The following RASSF9 variants were observed in gnomAD, a reference collection of about 807,000 sequenced individuals.
The protein encoded by RASSF9 is Ras association domain family member 9.
RASSF9 carries 18 observed loss-of-function variants against 21.4 expected under a neutral mutation model. That is an observed-to-expected ratio of 0.84 (90% CI 0.58 to 1.25). The LOEUF is 1.25. RASSF9 is among the 50% of genes most tolerant of loss of function. RASSF9 has a pLI of 0.00. For synonymous variants in RASSF9, 183 were observed against 179.1 expected, an observed-to-expected ratio of 1.02 and a Z score of -0.18; for missense variants, 480 against 503.2, an observed-to-expected ratio of 0.95 and a Z score of 0.44.
chr12:85,815,638 C>A (rs890136258), intron 1 of RASSF9, among the ~76,000 whole-genome samples: 2 of 152,118 alleles, frequency 1.3e-5, no homozygotes, highest in African/African-American at 2.4e-5. Flanking sequence ...GCCATTCTGA[C>A]TGGAGTGAGA....
intron 1 of RASSF9, among the ~76,000 whole-genome samples, chr12:85,815,037 GACAA>G (rs1801104836): frequency 6.6e-6 from 1 of 151,900 alleles, no homozygotes; most frequent in Admixed American, 6.6e-5. Context: ...GGACAGAAGG[GACAA>G]ACAAAGATCA....
At chr12:85,816,517 T>A (rs1880069200) in intron 1 of RASSF9, among the ~76,000 whole-genome samples, 1 of 152,160 alleles carries the variant, frequency 6.6e-6, no homozygotes, top group Non-Finnish European at 1.5e-5. Context: ...AAATTTCAGT[T>A]AAATATCAGT....
intron 1 of RASSF9, among the ~76,000 whole-genome samples, chr12:85,829,458 C>T (rs2136563572): frequency 6.6e-6 from 1 of 152,060 alleles, no homozygotes; most frequent in Non-Finnish European, 1.5e-5. Context: ...TAAATACTTC[C>T]ATTGTAATTG....
chr12:85,830,690 A>G (rs1291811441), intron 1 of RASSF9, among the ~76,000 whole-genome samples: 1 of 152,056 alleles, frequency 6.6e-6, no homozygotes, highest in Admixed American at 6.6e-5. Flanking sequence ...GCTCATTCTT[A>G]TACTTGAAAT....
chr12:85,816,633 T>C (rs1466114695), intron 1 of RASSF9, among the ~76,000 whole-genome samples: 2 of 152,148 alleles, frequency 1.3e-5, no homozygotes, highest in African/African-American at 2.4e-5. Context: ...TAGTACAAAA[T>C]ATTATTCACC....
Position 85,805,623 on chromosome 12 carries a change from A to C in RASSF9, c.387T>G (p.Ala129=), listed in dbSNP as rs755135664. The change falls in exon 2 of 2, where the codon GCT becomes GCG. Residue 129 remains alanine (A), a synonymous_variant. Transcript: ENST00000361228. Reference sequence around the variant, plus strand: ...CTGTGTTTTGCACTAATTTGGCTTCAGCTGTCCGCCACAAAGGAACTGGAA... The same window carrying C: ...CTGTGTTTTGCACTAATTTGGCTTCCGCTGTCCGCCACAAAGGAACTGGAA... ...AFLPVPLWRT[A]EAKLVQNTEK... 7.4e-5 allele frequency: 120 copies of C among 1,613,846 alleles called. No homozygotes were observed. The highest frequency in any genetic ancestry group is 9.8e-5 in the Non-Finnish European group (116 of 1,179,908).
At chr12:85,830,823 C>G (rs150100412) in intron 1 of RASSF9, among the ~76,000 whole-genome samples, 77 of 152,196 alleles carry the variant, frequency 5.1e-4, no homozygotes, top group African/African-American at 1.9e-3. Context: ...AACAAATACA[C>G]AAACTTTCTC....
intron 1 of RASSF9, among the ~76,000 whole-genome samples, chr12:85,818,097 C>T (rs1448127420): frequency 6.6e-6 from 1 of 152,072 alleles, no homozygotes; most frequent in Non-Finnish European, 1.5e-5. Context: ...GTAGCTGAGG[C>T]ACAGCTACTT....
intron 1 of RASSF9, among the ~76,000 whole-genome samples, chr12:85,824,267 G>A (rs1354490038): frequency 6.6e-6 from 1 of 152,114 alleles, no homozygotes; most frequent in East Asian, 1.9e-4. Context: ...TGCAAAAATA[G>A]TGTTCCCCAC....
At chr12:85,813,357 T>C (rs914662438) in intron 1 of RASSF9, among the ~76,000 whole-genome samples, 1 of 151,898 alleles carries the variant, frequency 6.6e-6, no homozygotes, top group Non-Finnish European at 1.5e-5. Context: ...TTAAAATGAG[T>C]TGGCTTGTAA....
rs1200443971 is a variant in RASSF9, at chr12:85,803,986, C to G, written c.*716G>C. The G allele has an allele frequency of 6.6e-6, 1 of 152,202 alleles. No homozygotes were observed. Among genetic ancestry groups the G allele is most frequent in the African/African-American group, 2.4e-5 (1 of 41,454 alleles). 9.4% of individuals were successfully genotyped at this position (152,202 alleles called of 1,614,324 possible). A position where few individuals can be genotyped will look rare whatever the true frequency, so the allele number is the denominator to read the frequency against. On this transcript the variant is annotated 3_prime_UTR_variant, in exon 2 of 2. Transcript: ENST00000361228. ...ATGAACATGGGTTTGGTCAGGAGAT[C>G]TGAATTGCCAGATAGCAAACATCCA...
At position 85,802,614 on chromosome 12, in the gene RASSF9, A is replaced by C. The variant is rs532607291; in HGVS notation, c.*2088T>G. 3.9e-5 allele frequency: 6 copies of C among 152,292 alleles called. No individual in the cohort carries two copies. The highest frequency in any genetic ancestry group is 3.9e-4 in the Admixed American group (6 of 15,298). The allele number at this position is 152,292 out of a possible 1,614,324, so 9.4% of individuals were successfully genotyped here. On this transcript the variant is annotated 3_prime_UTR_variant, in exon 2 of 2. Coordinates refer to ENST00000361228, the MANE Select transcript of RASSF9 (RefSeq NM_005447.4). ...AAGATGAAATTATCTCTCCAGGCCT[A>C]CTTCTTATCAGAACCTCTTGAATTC...
intron 1 of RASSF9, among the ~76,000 whole-genome samples, chr12:85,829,409 T>G (rs1308327765): frequency 6.6e-6 from 1 of 152,162 alleles, no homozygotes; most frequent in African/African-American, 2.4e-5. Context: ...TGCCATTGAC[T>G]TTCAACCGAC....
Position 85,811,303 on chromosome 12 carries a change from G to A in RASSF9, c.48-5341C>T, listed in dbSNP as rs113071075. Among the ~76,000 whole-genome samples the A allele has an allele frequency of 3.0e-4, 45 of 151,908 alleles. 1 individual carries two copies. Among genetic ancestry groups the A allele is most frequent in the African/African-American group, 1.1e-3 (45 of 41,510 alleles). ...ATAGGGACTGAGACTGAAGGCAGAT[G>A]ATAAAATTGATATTGATGTTGGTTC... On this transcript the variant is annotated intron_variant, in intron 1 of 1. Transcript: ENST00000361228.
intron 1 of RASSF9, among the ~76,000 whole-genome samples, chr12:85,822,751 T>C (rs2136559634): frequency 6.6e-6 from 1 of 152,322 alleles, no homozygotes; most frequent in East Asian, 1.9e-4. Flanking sequence ...ATCTTCTGCC[T>C]TTTTCTCTGG....
chr12:85,823,106 A>G (rs1020088569), intron 1 of RASSF9, among the ~76,000 whole-genome samples: 2 of 151,486 alleles, frequency 1.3e-5, no homozygotes, highest in Non-Finnish European at 2.9e-5. Flanking sequence ...AGGCTGAGGC[A>G]GGAGAATGGG....
Position 85,804,628 on chromosome 12 carries a change from A to T in RASSF9, c.*74T>A. 7.3e-7 allele frequency: 1 copy of T among 1,375,012 alleles called. No individual in the cohort carries two copies. Among genetic ancestry groups the T allele is most frequent in the Non-Finnish European group, 9.8e-7 (1 of 1,021,406 alleles). The allele number at this position is 1,375,012 out of a possible 1,614,324, so 85.2% of individuals were successfully genotyped here. A position where few individuals can be genotyped will look rare whatever the true frequency, so the allele number is the denominator to read the frequency against. On this transcript the variant is annotated 3_prime_UTR_variant, in exon 2 of 2. Coordinates refer to ENST00000361228, the MANE Select transcript of RASSF9 (RefSeq NM_005447.4). ...TGATTTACATTTTTTTGAGTGTTAT[A>T]TTTAAAATGAGGTTTCCTATTAAAT...
At chr12:85,806,201 C>T (rs1366017510) in intron 1 of RASSF9, among the ~76,000 whole-genome samples, 1 of 148,502 alleles carries the variant, frequency 6.7e-6, no homozygotes, top group Non-Finnish European at 1.5e-5. Flanking sequence ...CACCTGCCAC[C>T]AGGCCCGGCT....
rs538639363 is a variant in RASSF9, at chr12:85,801,108, C to T, written c.*3594G>A. On this transcript the variant is annotated 3_prime_UTR_variant, in exon 2 of 2. Coordinates refer to ENST00000361228, the MANE Select transcript of RASSF9 (RefSeq NM_005447.4). ...TACTTTCTGTGTCTACCATTTAAAA[C>T]CCAACTCTAAAATATGTTTTTTCTC... 2 of 151,954 alleles carry T rather than the reference C, an allele frequency of 1.3e-5. No individual in the cohort carries two copies. The highest frequency in any genetic ancestry group is 2.1e-4 in the South Asian group (1 of 4,806). 9.4% of individuals were successfully genotyped at this position (151,954 alleles called of 1,614,324 possible).
Sources: gnomAD v4.1 joint callset for allele counts (sites outside exome capture counted in the v4.1 genomes callset) on GRCh38, gnomAD v4.1.1 for gene constraint, MANE v1.5 for transcripts, NCBI Gene and HGNC (gene_info 2026-07-23, HGNC 2026-07-21) for gene names.